KHDRBS2: variants seen among roughly 807,000 people sequenced by gnomAD.
The protein encoded by KHDRBS2 is KH RNA binding domain containing, signal transduction associated 2.
Under a neutral mutation model 44.3 loss-of-function variants are expected in KHDRBS2, and 26 were observed. The observed-to-expected ratio is 0.59, with a 90% CI of 0.43 to 0.81. KHDRBS2 has a LOEUF of 0.81. KHDRBS2 is among the 40% of genes least tolerant of loss of function. KHDRBS2 has a pLI of 0.00. For synonymous variants in KHDRBS2, 194 were observed against 151.1 expected, an observed-to-expected ratio of 1.28 and a Z score of -2.08; for missense variants, 476 against 433.1, an observed-to-expected ratio of 1.10 and a Z score of -0.88.
intron 1 of KHDRBS2, among the ~76,000 whole-genome samples, chr6:62,271,498 C>G (rs146228534): frequency 4.6e-5 from 7 of 152,142 alleles, no homozygotes; most frequent in African/African-American, 1.7e-4. Context: ...CCTCAACTTA[C>G]ATATTTTAAA....
chr6:61,697,710 C>T (rs1241694987), intron 7 of KHDRBS2, among the ~76,000 whole-genome samples: 1 of 152,030 alleles, frequency 6.6e-6, no homozygotes, highest in African/African-American at 2.4e-5. Context: ...CATGTCTGTG[C>T]ACTCCCCAAA....
At chr6:62,258,784 C>A (rs34278226) in intron 1 of KHDRBS2, among the ~76,000 whole-genome samples, 171 of 151,872 alleles carry the variant, frequency 1.1e-3, no homozygotes, top group Non-Finnish European at 2.1e-3. Flanking sequence ...ATTTTAGATA[C>A]GGGATACTCA....
At chr6:62,065,937 A>G (rs1562772243) in intron 2 of KHDRBS2, among the ~76,000 whole-genome samples, 3 of 151,642 alleles carry the variant, frequency 2.0e-5, no homozygotes, top group African/African-American at 4.8e-5. Context: ...ATGCTTCTGC[A>G]TTGTTTTTTT....
intron 2 of KHDRBS2, among the ~76,000 whole-genome samples, chr6:62,057,330 T>C (rs1790522101): frequency 6.6e-6 from 1 of 151,890 alleles, no homozygotes; most frequent in Non-Finnish European, 1.5e-5. Context: ...CAGATACCAT[T>C]TCTATTTGAG....
At chr6:61,944,516 G>C (rs1812806597) in intron 4 of KHDRBS2, among the ~76,000 whole-genome samples, 1 of 152,082 alleles carries the variant, frequency 6.6e-6, no homozygotes, top group African/African-American at 2.4e-5. Flanking sequence ...AAGGTCAGAG[G>C]GGGAAGTGAA....
chr6:61,770,125 C>G (rs929751327), intron 6 of KHDRBS2, among the ~76,000 whole-genome samples: 3 of 152,170 alleles, frequency 2.0e-5, no homozygotes, highest in African/African-American at 7.2e-5. Flanking sequence ...AGCTGAGGGT[C>G]CTGTCTGTTA....
At chr6:62,265,215 A>G (rs1838997905) in intron 1 of KHDRBS2, among the ~76,000 whole-genome samples, 1 of 152,010 alleles carries the variant, frequency 6.6e-6, no homozygotes, top group African/African-American at 2.4e-5. Flanking sequence ...CTAGAAAATG[A>G]GCTATTTGAT....
At chr6:62,258,188 G>A (rs1837728077) in intron 1 of KHDRBS2, among the ~76,000 whole-genome samples, 1 of 151,922 alleles carries the variant, frequency 6.6e-6, no homozygotes, top group Non-Finnish European at 1.5e-5. Context: ...AGATGCAGTT[G>A]GGGGACCAGG....
intron 6 of KHDRBS2, among the ~76,000 whole-genome samples, chr6:61,875,451 T>G (rs1198470824): frequency 6.6e-5 from 10 of 152,074 alleles, no homozygotes; most frequent in African/African-American, 2.4e-4. Context: ...TCAATCTGCT[T>G]TACTCAGACC....
At chr6:62,258,426 T>A (rs1837780224) in intron 1 of KHDRBS2, among the ~76,000 whole-genome samples, 1 of 152,012 alleles carries the variant, frequency 6.6e-6, no homozygotes, top group Non-Finnish European at 1.5e-5. Flanking sequence ...TCATACTTCT[T>A]ACTGTTAAGT....
chr6:61,966,805 T>C (rs544815128), intron 4 of KHDRBS2, among the ~76,000 whole-genome samples: 11 of 152,116 alleles, frequency 7.2e-5, no homozygotes, highest in Admixed American at 1.3e-4. Context: ...CAGACATTTC[T>C]TTTTATTTTC....
At chr6:61,756,624 C>T (rs1303861325) in intron 6 of KHDRBS2, among the ~76,000 whole-genome samples, 4 of 152,172 alleles carry the variant, frequency 2.6e-5, no homozygotes, top group African/African-American at 9.7e-5. Context: ...TCATTCTCAA[C>T]TTGTGGAACT....
chr6:61,783,166 C>A (rs1460040737), intron 6 of KHDRBS2, among the ~76,000 whole-genome samples: 2 of 152,000 alleles, frequency 1.3e-5, no homozygotes, highest in African/African-American at 4.8e-5. Context: ...TTCTTAGAAA[C>A]AATAAAGATA....
At chr6:61,912,276 T>C (rs1316313116) in intron 4 of KHDRBS2, among the ~76,000 whole-genome samples, 1 of 152,062 alleles carries the variant, frequency 6.6e-6, no homozygotes, top group African/African-American at 2.4e-5. Flanking sequence ...GATGTCAAAG[T>C]TCCCCCCAAA....
At chr6:62,090,272 T>TTTA (rs1481253191) in intron 2 of KHDRBS2, among the ~76,000 whole-genome samples, 1 of 152,174 alleles carries the variant, frequency 6.6e-6, no homozygotes, top group Non-Finnish European at 1.5e-5. Context: ...TTTAATGGGA[T>TTTA]TTATATTTTC....
chr6:62,130,818 T>C (rs1288429090), intron 2 of KHDRBS2, among the ~76,000 whole-genome samples: 2 of 151,986 alleles, frequency 1.3e-5, no homozygotes, highest in African/African-American at 4.8e-5. Context: ...TATAATAGTG[T>C]CAAATATCTC....
chr6:62,188,729 T>A (rs183256503), intron 1 of KHDRBS2, among the ~76,000 whole-genome samples: 128 of 152,258 alleles, frequency 8.4e-4, no homozygotes, highest in Non-Finnish European at 1.7e-3. Flanking sequence ...TAGTGTGGCA[T>A]GAATGTGGGA....
chr6:62,243,849 C>A (rs1835094738), intron 1 of KHDRBS2, among the ~76,000 whole-genome samples: 1 of 152,070 alleles, frequency 6.6e-6, no homozygotes, highest in South Asian at 2.1e-4. Context: ...GAGAGCCTGA[C>A]ATAGTAGATA....
downstream of KHDRBS2, among the ~76,000 whole-genome samples, chr6:61,675,957 C>T (rs562594307): frequency 6.6e-6 from 1 of 151,700 alleles, no homozygotes; most frequent in East Asian, 2.0e-4. Flanking sequence ...CTTAAAATGC[C>T]ATGCAAGTTT....
Sources: allele counts gnomAD v4.1 joint callset (sites outside exome capture counted in the v4.1 genomes callset), GRCh38; gene constraint gnomAD v4.1.1; transcripts MANE v1.5; gene names NCBI Gene and HGNC (gene_info 2026-07-23, HGNC 2026-07-21).